The following CRHR1 variants were observed in gnomAD, a reference collection of about 807,000 sequenced individuals.
The protein encoded by CRHR1 is corticotropin releasing hormone receptor 1.
In CRHR1, 28 loss-of-function variants were observed where a neutral mutation model predicts 56.0. The observed-to-expected ratio is 0.50, with a 90% CI of 0.37 to 0.69. CRHR1 has a LOEUF of 0.69. CRHR1 is among the 30% of genes least tolerant of loss of function. CRHR1 has a pLI of 0.00. For synonymous variants in CRHR1, 195 were observed against 216.5 expected, an observed-to-expected ratio of 0.90 and a Z score of 0.87; for missense variants, 376 against 548.0, an observed-to-expected ratio of 0.69 and a Z score of 3.13.
At chr17:45,822,341 A>G (rs1270900683) in intron 4 of CRHR1, among the ~76,000 whole-genome samples, 1 of 152,248 alleles carries the variant, frequency 6.6e-6, no homozygotes, top group Non-Finnish European at 1.5e-5. Context: ...AGGCACAAAT[A>G]TATCTATCCT....
chr17:45,833,693 T>TGGGGGGGGGGGCCGCC, intron 10 of CRHR1, 21 bp from the exon 11 acceptor site: 1 of 1,571,618 alleles, frequency 6.4e-7, no homozygotes. Context: ...ACTCCGAGCC[T>TGGGGGGGGGGGCCGCC]CCCCACCCGC....
rs2062291135 is a variant in CRHR1, at chr17:45,830,863, G to A, written c.710-17G>A. 6.2e-7 allele frequency: 1 copy of A among 1,613,154 alleles called. No individual in the cohort carries two copies. The highest frequency in any genetic ancestry group is 8.5e-7 in the Non-Finnish European group (1 of 1,179,546). ...AGCCCCCGCTGAGGGCTCTGTGACA[G>A]CCCATCTCTCCCCCAGGTGTGCCCT... On this transcript the variant is annotated splice_polypyrimidine_tract_variant and intron_variant, in intron 7 of 12. Coordinates refer to ENST00000314537, the MANE Select transcript of CRHR1 (RefSeq NM_004382.5).
At chr17:45,813,617 G>A (rs1438909249) in intron 2 of CRHR1, among the ~76,000 whole-genome samples, 6 of 152,336 alleles carry the variant, frequency 3.9e-5, no homozygotes, top group South Asian at 2.1e-4. Context: ...TGCGATCGAG[G>A]GGCAGCTGCC....
intron 1 of CRHR1, among the ~76,000 whole-genome samples, chr17:45,794,715 G>A (rs372134795): frequency 2.3e-4 from 35 of 152,224 alleles, no homozygotes; most frequent in African/African-American, 7.0e-4. Flanking sequence ...ATCAGTGGTC[G>A]CAGCCCCTAG....
intron 1 of CRHR1, among the ~76,000 whole-genome samples, chr17:45,788,585 G>T (rs1311619706): frequency 6.6e-6 from 1 of 152,146 alleles, no homozygotes; most frequent in Non-Finnish European, 1.5e-5. Context: ...AGGAGGTTGA[G>T]GTAAGGACAA....
At chr17:45,815,035 C>T (rs2061899065) in intron 2 of CRHR1, among the ~76,000 whole-genome samples, 2 of 152,244 alleles carry the variant, frequency 1.3e-5, no homozygotes, top group African/African-American at 4.8e-5. Flanking sequence ...CAATTTAACC[C>T]AGTGCTGTTT....
At chr17:45,821,645 T>G (rs1269108124) in intron 4 of CRHR1, among the ~76,000 whole-genome samples, 1 of 152,210 alleles carries the variant, frequency 6.6e-6, no homozygotes, top group Non-Finnish European at 1.5e-5. Context: ...AATGGGGCAC[T>G]GGGCAGGCTC....
At chr17:45,803,787 C>T (rs543661125) in intron 1 of CRHR1, among the ~76,000 whole-genome samples, 4 of 149,714 alleles carry the variant, frequency 2.7e-5, no homozygotes, top group East Asian at 2.0e-4. Context: ...CGTGCGCGTG[C>T]GCGTGTGTGC....
chr17:45,824,609 G>A (rs1218846883), intron 4 of CRHR1, among the ~76,000 whole-genome samples: 1 of 152,196 alleles, frequency 6.6e-6, no homozygotes, highest in African/African-American at 2.4e-5. Context: ...CACCAGCAGG[G>A]TTAGGACAAG....
chr17:45,831,911 A>C (rs2062319398), intron 8 of CRHR1, among the ~76,000 whole-genome samples: 1 of 152,062 alleles, frequency 6.6e-6, no homozygotes, highest in Non-Finnish European at 1.5e-5. Context: ...AGCCTGGAAG[A>C]TTATCTTGCG....
At chr17:45,827,526 C>T (rs952312881) in intron 4 of CRHR1, 2 of 152,292 alleles carry the variant, frequency 1.3e-5, no homozygotes, top group African/African-American at 4.8e-5. Flanking sequence ...CGCTCAGAGA[C>T]CCTCCCCACT....
chr17:45,813,642 C>A (rs2061869533), intron 2 of CRHR1, among the ~76,000 whole-genome samples: 1 of 152,234 alleles, frequency 6.6e-6, no homozygotes, highest in South Asian at 2.1e-4. Context: ...TCAGGGCCAG[C>A]TGTGCAGCTG....
At chr17:45,817,649 G>A (rs1380087374) in intron 3 of CRHR1, among the ~76,000 whole-genome samples, 1 of 152,230 alleles carries the variant, frequency 6.6e-6, no homozygotes, top group Non-Finnish European at 1.5e-5. Context: ...CTACAGCAGA[G>A]GAGTAGGAAG....
At chr17:45,796,040 T>C (rs1043102543) in intron 1 of CRHR1, among the ~76,000 whole-genome samples, 2 of 152,232 alleles carry the variant, frequency 1.3e-5, no homozygotes, top group Non-Finnish European at 2.9e-5. Context: ...TCTTCCTTTC[T>C]GGCCCTCTTT....
intron 1 of CRHR1, among the ~76,000 whole-genome samples, chr17:45,786,492 C>T (rs1198227774): frequency 6.6e-6 from 1 of 152,116 alleles, no homozygotes; most frequent in Non-Finnish European, 1.5e-5. Flanking sequence ...CCTAACAGCC[C>T]TAGGAAGTAG....
chr17:45,807,245 T>C, intron 2 of CRHR1, 148 bp downstream of exon 2: 2 of 714,846 alleles, frequency 2.8e-6, no homozygotes, highest in Admixed American at 2.5e-5. Context: ...ATTCTTCACA[T>C]CTCCACCGAG....
At chr17:45,803,447 C>T (rs1195149989) in intron 1 of CRHR1, among the ~76,000 whole-genome samples, 16 of 152,186 alleles carry the variant, frequency 1.1e-4, no homozygotes, top group African/African-American at 3.9e-4. Context: ...AGTGCAATGG[C>T]GTGATCTCGG....
intron 1 of CRHR1, among the ~76,000 whole-genome samples, chr17:45,791,294 G>C (rs1227276448): frequency 1.3e-5 from 2 of 152,166 alleles, no homozygotes; most frequent in Non-Finnish European, 2.9e-5. Context: ...AGGGCTTTAG[G>C]AGAGTCCAGG....
At chr17:45,815,893 G>A (rs117365970) in intron 2 of CRHR1, among the ~76,000 whole-genome samples, 21,805 of 152,204 alleles carry the variant, frequency 0.14, 2,129 homozygotes, top group Middle Eastern at 0.22. Flanking sequence ...CAAAGTACAC[G>A]TGACGTATGG....
Sources: gnomAD v4.1 joint callset for allele counts (sites outside exome capture counted in the v4.1 genomes callset) on GRCh38, gnomAD v4.1.1 for gene constraint, MANE v1.5 for transcripts, NCBI Gene and HGNC (gene_info 2026-07-23, HGNC 2026-07-21) for gene names.